Variants in TRIM9 observed in about 807,000 individuals in gnomAD.
TRIM9 encodes the protein E3 ubiquitin-protein ligase TRIM9.
TRIM9 carries 26 observed loss-of-function variants against 78.3 expected under a neutral mutation model. That is an observed-to-expected ratio of 0.33 (90% CI 0.24 to 0.46). The LOEUF (loss-of-function observed/expected upper bound fraction) is 0.46, where lower values mean the gene tolerates loss of function less well. TRIM9 is among the 20% of genes least tolerant of loss of function. TRIM9 has a pLI of 1.00. For synonymous variants in TRIM9, 398 were observed against 416.5 expected (o/e 0.96, Z 0.54); for missense variants, 787 against 1,036.4 (o/e 0.76, Z 3.30).
intron 3 of TRIM9, among the ~76,000 whole-genome samples, chr14:51,019,096 T>C (rs1006698290): frequency 5.7e-4 from 87 of 152,346 alleles, no homozygotes; most frequent in African/African-American, 2.0e-3. Context: ...TTAAGTGTTG[T>C]CATAAATTCC....
intron 1 of TRIM9, among the ~76,000 whole-genome samples, chr14:51,092,280 C>T (rs2064424933): frequency 6.6e-6 from 1 of 152,122 alleles, no homozygotes; most frequent in Admixed American, 6.6e-5. Context: ...AATGAAATCC[C>T]CATCAGTACT....
chr14:51,044,311 A>C (rs2059781664), intron 1 of TRIM9, among the ~76,000 whole-genome samples: 1 of 152,192 alleles, frequency 6.6e-6, no homozygotes, highest in African/African-American at 2.4e-5. Flanking sequence ...TAAATATCCA[A>C]GAAGAAAGCC....
chr14:51,080,308 G>A (rs1393011129), intron 1 of TRIM9, among the ~76,000 whole-genome samples: 1 of 151,906 alleles, frequency 6.6e-6, no homozygotes, highest in East Asian at 1.9e-4. Flanking sequence ...CTTAAAGAGA[G>A]AAAACAATGT....
In TRIM9 at chr14:51,000,590, G is replaced by C. The variant is rs145671263; in HGVS notation, c.1464+93C>G. On this transcript the variant is annotated intron_variant, in intron 6 of 12. Coordinates refer to ENST00000684578, the MANE Select transcript of TRIM9 (RefSeq NM_001387360.1). ...CTGCCAGGATGGCCTGTCCCCAGGA[G>C]AGATGGGGAAGCCAGCCCTGAGACT... 6,035 of 1,528,070 alleles carry C rather than the reference G, an allele frequency of 3.9e-3. 15 individuals carry two copies. Among genetic ancestry groups the C allele is most frequent in the Non-Finnish European group, 4.5e-3 (5,061 of 1,120,240 alleles). The allele number at this position is 1,528,070 out of a possible 1,614,324, so 94.7% of individuals were successfully genotyped here. A position where few individuals can be genotyped will look rare whatever the true frequency, so the allele number is the denominator to read the frequency against.
Position 50,977,025 on chromosome 14 carries a change from G to A in TRIM9, c.*266C>T, listed in dbSNP as rs1311171114. 6.0e-6 allele frequency: 2 copies of A among 336,004 alleles called. No individual in the cohort carries two copies. The highest frequency in any genetic ancestry group is 4.2e-5 in the African/African-American group (2 of 47,260). 20.8% of individuals were successfully genotyped at this position (336,004 alleles called of 1,614,324 possible). ...TTAAATAAAAGCAAAATCTGGGAGT[G>A]GGAACCAAGTGACTTGGTGGGCTGT... On this transcript the variant is annotated 3_prime_UTR_variant, in exon 13 of 13. Transcript: ENST00000684578.
intron 5 of TRIM9, among the ~76,000 whole-genome samples, chr14:51,007,126 C>T (rs1216647703): frequency 6.6e-6 from 1 of 152,184 alleles, no homozygotes; most frequent in Non-Finnish European, 1.5e-5. Flanking sequence ...TAACTGCCTC[C>T]TCCTCCTGCC....
chr14:51,064,780 A>G (rs1045747321), intron 1 of TRIM9, among the ~76,000 whole-genome samples: 3 of 152,146 alleles, frequency 2.0e-5, no homozygotes, highest in African/African-American at 7.2e-5. Context: ...AATTCTTTCA[A>G]TATAATGAAC....
intron 1 of TRIM9, 81 bp downstream of exon 1, chr14:51,094,037 C>A: frequency 7.0e-7 from 1 of 1,427,022 alleles, no homozygotes; most frequent in South Asian, 1.3e-5. Flanking sequence ...ATGCGCTGTG[C>A]GCAAGAGACG....
At chr14:51,009,426 A>G (rs2139624095) in intron 4 of TRIM9, among the ~76,000 whole-genome samples, 193 bp from the exon 5 acceptor site, 1 of 152,146 alleles carries the variant, frequency 6.6e-6, no homozygotes, top group East Asian at 1.9e-4. Context: ...AAATCTGAAC[A>G]CTTTTGTGAG....
chr14:50,989,746 A>G (rs1479614336), intron 7 of TRIM9, among the ~76,000 whole-genome samples: 1 of 152,186 alleles, frequency 6.6e-6, no homozygotes, highest in Non-Finnish European at 1.5e-5. Context: ...CTAGGACGGG[A>G]CTGTGTTCGT....
chr14:51,059,958 A>G (rs1337140237), intron 1 of TRIM9, among the ~76,000 whole-genome samples: 2 of 152,220 alleles, frequency 1.3e-5, no homozygotes, highest in Non-Finnish European at 2.9e-5. Context: ...AACGCATTAA[A>G]TGGAAAATAT....
chr14:50,979,077 T>C, intron 12 of TRIM9: 1 of 1,332,846 alleles, frequency 7.5e-7, no homozygotes, highest in Non-Finnish European at 9.6e-7. Context: ...GCCAGTTGGT[T>C]AAAGGCTTTC....
In TRIM9 at chr14:51,094,015, GC is replaced by G. The variant is rs1466876941; in HGVS notation, c.822+102del. 5.0e-6 allele frequency: 6 copies of G among 1,188,376 alleles called. No individual in the cohort carries two copies. The Admixed American group carries it at 1.0e-4, about 20-fold the overall frequency. 73.6% of individuals were successfully genotyped at this position (1,188,376 alleles called of 1,614,324 possible). A position where few individuals can be genotyped will look rare whatever the true frequency, so the allele number is the denominator to read the frequency against. ...TAAACATCGAAGGCACCTGCATTGC[GC>G]CCCCACTGGGATGCGCTGTGCGCAA... is the stretch of plus-strand genomic sequence containing the variant. On this transcript the variant is annotated intron_variant, in intron 1 of 12. Transcript: ENST00000684578.
intron 1 of TRIM9, among the ~76,000 whole-genome samples, chr14:51,069,373 C>A (rs1384995704): frequency 6.6e-6 from 1 of 152,106 alleles, no homozygotes; most frequent in African/African-American, 2.4e-5. Context: ...TTTGTCACAA[C>A]TCAGAGGTGA....
Position 50,979,538 on chromosome 14 carries a change from C to T in TRIM9, c.2174G>A (p.Gly725Glu). The T allele has an allele frequency of 6.2e-7, 1 of 1,613,820 alleles. No individual in the cohort carries two copies. Among genetic ancestry groups the T allele is most frequent in the Admixed American group, 1.7e-5 (1 of 59,980 alleles). ...CCCAATTGTGGCCCCTTTTGTGATC[C>T]CTCCCTCAGTTCTGTAGGAAAAGAG... is the stretch of plus-strand genomic sequence containing the variant. The part of the protein sequence containing the change: ...NNSHTNRTEG[G>E]ITKGATIGVL... The change falls in exon 12 of 13, where the codon GGG becomes GAG. Residue 725 changes from glycine (G) to glutamate (E), a missense_variant. Gly to Glu is a moderately conservative substitution (Grantham distance 98). Around this residue, in one of 3 missense-constraint regions of TRIM9, gnomAD observed 421 missense variants for 514.3 expected, o/e 0.82. Transcript: ENST00000684578.
In TRIM9 at chr14:51,046,458, T is replaced by C. The variant is rs146666992; in HGVS notation, c.823-21098A>G. On this transcript the variant is annotated intron_variant, in intron 1 of 12. Coordinates refer to ENST00000684578, the MANE Select transcript of TRIM9 (RefSeq NM_001387360.1). ...GCAAAATGCTACCACTGGGAGAAAC[T>C]GGGAAAAGTGTCGAAGGGATTTCTG... 1.5e-4 allele frequency among the ~76,000 whole-genome samples: 23 copies of C among 152,322 alleles called. No homozygotes were observed. In the East Asian group the frequency reaches 4.0e-3, roughly 27 times the overall value.
At chr14:51,014,087 G>A (rs1370471039) in intron 3 of TRIM9, among the ~76,000 whole-genome samples, 1 of 152,150 alleles carries the variant, frequency 6.6e-6, no homozygotes, top group East Asian at 1.9e-4. Flanking sequence ...GAGTCAGTCT[G>A]CTTTTGAGAT....
At chr14:51,029,245 G>A (rs1596217312) in intron 1 of TRIM9, among the ~76,000 whole-genome samples, 1 of 152,318 alleles carries the variant, frequency 6.6e-6, no homozygotes, top group South Asian at 2.1e-4. Flanking sequence ...GGCACAGGAT[G>A]GGTCAAAAGG....
chr14:50,976,505 T>A lies in TRIM9; in HGVS notation c.*786A>T, dbSNP rs957567115. 2.0e-5 allele frequency: 3 copies of A among 152,364 alleles called. No individual in the cohort carries two copies. The highest frequency in any genetic ancestry group is 6.5e-5 in the Admixed American group (1 of 15,282). 9.4% of individuals were successfully genotyped at this position (152,364 alleles called of 1,614,324 possible). On this transcript the variant is annotated 3_prime_UTR_variant, in exon 13 of 13. Coordinates refer to ENST00000684578, the MANE Select transcript of TRIM9 (RefSeq NM_001387360.1). ...GTGTCTAGAACATAATGTTCTAGTG[T>A]CTTGAACAGTGCCTGGTCAATAGTA...
Sources: allele counts gnomAD v4.1 joint callset (sites outside exome capture counted in the v4.1 genomes callset), GRCh38; gene constraint gnomAD v4.1.1; regional missense constraint gnomAD v4.1.1; transcripts MANE v1.5; gene names NCBI Gene and HGNC (gene_info 2026-07-23, HGNC 2026-07-21).